Variants in SOX5 observed in about 807,000 individuals in gnomAD.
SOX5 encodes the protein SRY-box transcription factor 5.
A neutral mutation model predicts 92.0 loss-of-function variants in SOX5; 9 were observed. The ratio of observed to expected loss-of-function variants is 0.10; its 90% confidence interval spans 0.06 to 0.17. The LOEUF is 0.17. SOX5 is among the 10% of genes least tolerant of loss of function. The pLI is 1.00. For missense variants in SOX5, 642 were observed against 944.5 expected, an observed-to-expected ratio of 0.68 and a Z score of 4.20; for synonymous variants, 344 against 336.3, an observed-to-expected ratio of 1.02 and a Z score of -0.25.
chr12:23,989,950 C>T (rs1442765019), intron 4 of SOX5, among the ~76,000 whole-genome samples: 1 of 151,542 alleles, frequency 6.6e-6, no homozygotes, highest in Non-Finnish European at 1.5e-5. Context: ...TATTCAGATA[C>T]AAAGGAAAAC....
intron 9 of SOX5, among the ~76,000 whole-genome samples, chr12:23,598,278 T>C (rs1216760088): frequency 1.2e-4 from 18 of 152,236 alleles, no homozygotes; most frequent in Admixed American, 1.0e-3. Flanking sequence ...TATGGTTATA[T>C]TGAGCAGTGC....
chr12:24,054,074 TTACTG>T (rs747591805), intron 4 of SOX5, among the ~76,000 whole-genome samples: 9 of 152,318 alleles, frequency 5.9e-5, no homozygotes, highest in Middle Eastern at 3.4e-3. Context: ...ATGCAACTCT[TTACTG>T]TATTTGAAAA....
chr12:24,068,060 G>A (rs941224844), intron 4 of SOX5, among the ~76,000 whole-genome samples: 3 of 152,162 alleles, frequency 2.0e-5, no homozygotes, highest in Non-Finnish European at 4.4e-5. Flanking sequence ...CAGGAGAATC[G>A]CTTGAACCCA....
intron 3 of SOX5, among the ~76,000 whole-genome samples, chr12:23,820,021 G>C (rs2096075365): frequency 1.3e-5 from 2 of 152,112 alleles, no homozygotes; most frequent in Non-Finnish European, 2.9e-5. Context: ...CTTCCACAAT[G>C]GTTGCACTAA....
At chr12:24,235,441 C>A (rs1484741346) in intron 3 of SOX5, among the ~76,000 whole-genome samples, 1 of 152,090 alleles carries the variant, frequency 6.6e-6, no homozygotes, top group Non-Finnish European at 1.5e-5. Flanking sequence ...TTATTCAAAA[C>A]TAAAGAACCA....
At chr12:24,025,819 G>A (rs1395117241) in intron 4 of SOX5, among the ~76,000 whole-genome samples, 2 of 152,028 alleles carry the variant, frequency 1.3e-5, no homozygotes, top group South Asian at 4.1e-4. Context: ...ACCATCCAAT[G>A]TTCCTCTGAT....
At chr12:23,900,214 TG>T (rs1440982715) in intron 1 of SOX5, among the ~76,000 whole-genome samples, 1 of 152,170 alleles carries the variant, frequency 6.6e-6, no homozygotes, top group African/African-American at 2.4e-5. Context: ...CTGAGTTACA[TG>T]AACAAAATAA....
At chr12:23,723,613 CACAA>C (rs2092952172) in intron 6 of SOX5, among the ~76,000 whole-genome samples, 2 of 150,620 alleles carry the variant, frequency 1.3e-5, no homozygotes, top group South Asian at 4.2e-4. Flanking sequence ...CTCACACACA[CACAA>C]ACACACATAC....
intron 3 of SOX5, among the ~76,000 whole-genome samples, chr12:23,783,809 A>G (rs1226809824): frequency 1.3e-5 from 2 of 152,172 alleles, no homozygotes; most frequent in African/African-American, 4.8e-5. Flanking sequence ...GGCCACCACT[A>G]AAGCGCATTT....
chr12:23,738,207 G>C (rs1286650208), intron 5 of SOX5, among the ~76,000 whole-genome samples: 1 of 152,184 alleles, frequency 6.6e-6, no homozygotes, highest in East Asian at 1.9e-4. Context: ...TTTTGTAACA[G>C]CTATACCAGA....
At chr12:24,218,813 A>G (rs1291031034) in intron 3 of SOX5, among the ~76,000 whole-genome samples, 2 of 152,130 alleles carry the variant, frequency 1.3e-5, no homozygotes, top group Non-Finnish European at 2.9e-5. Flanking sequence ...TTAATGGCAT[A>G]CCATGGCTAA....
chr12:24,341,356 T>C (rs1298964837), intron 2 of SOX5, among the ~76,000 whole-genome samples: 1 of 152,144 alleles, frequency 6.6e-6, no homozygotes, highest in Non-Finnish European at 1.5e-5. Flanking sequence ...CATGTGCCTG[T>C]AGTCCCAGCT....
intron 1 of SOX5, among the ~76,000 whole-genome samples, chr12:24,449,648 T>G (rs552396350): frequency 1.3e-5 from 2 of 152,214 alleles, no homozygotes; most frequent in Non-Finnish European, 2.9e-5. Flanking sequence ...TAGTAAATAT[T>G]TTTTCAAGAA....
chr12:24,273,335 T>C (rs146774722), intron 3 of SOX5, among the ~76,000 whole-genome samples: 17 of 152,362 alleles, frequency 1.1e-4, no homozygotes, highest in Middle Eastern at 3.4e-3. Context: ...TTTTGCTTTA[T>C]AGGACGATTT....
intron 1 of SOX5, among the ~76,000 whole-genome samples, chr12:24,381,047 T>C (rs1957772035): frequency 6.6e-6 from 1 of 152,128 alleles, no homozygotes; most frequent in Non-Finnish European, 1.5e-5. Context: ...CTGAATAGAA[T>C]GAAAAAGAAC....
chr12:23,858,164 C>T (rs2096716146), intron 2 of SOX5, among the ~76,000 whole-genome samples: 1 of 151,584 alleles, frequency 6.6e-6, no homozygotes, highest in Non-Finnish European at 1.5e-5. Flanking sequence ...TGTTACTTTC[C>T]TATGAGAAGC....
chr12:24,118,167 T>C (rs1273534432), intron 4 of SOX5, among the ~76,000 whole-genome samples: 1 of 151,848 alleles, frequency 6.6e-6, no homozygotes, highest in African/African-American at 2.4e-5. Context: ...ACTGGGGGAA[T>C]AACTTTTAGT....
At chr12:23,625,237 G>A (rs575995649) in intron 8 of SOX5, among the ~76,000 whole-genome samples, 51 of 152,240 alleles carry the variant, frequency 3.3e-4, no homozygotes, top group Non-Finnish European at 6.2e-4. Context: ...CCACCTCTAC[G>A]TTTTTCCTTG....
chr12:24,006,802 T>G (rs1952225006), intron 4 of SOX5, among the ~76,000 whole-genome samples: 2 of 152,038 alleles, frequency 1.3e-5, no homozygotes, highest in South Asian at 4.1e-4. Context: ...TTCATCCTCC[T>G]CAAATAGCCC....
Sources: gnomAD v4.1 joint callset for allele counts (sites outside exome capture counted in the v4.1 genomes callset) on GRCh38, gnomAD v4.1.1 for gene constraint, MANE v1.5 for transcripts, NCBI Gene and HGNC (gene_info 2026-07-23, HGNC 2026-07-21) for gene names.